SUGCT: variants seen among roughly 807,000 people sequenced by gnomAD.
SUGCT encodes succinyl-CoA:glutarate-CoA transferase, also known as succinyl-CoA:glutarate CoA-transferase.
A neutral mutation model predicts 55.0 loss-of-function variants in SUGCT; 41 were observed. That is an observed-to-expected ratio of 0.74 (90% CI 0.58 to 0.97). The LOEUF (loss-of-function observed/expected upper bound fraction) is 0.97, where lower values mean the gene tolerates loss of function less well. Ranked by LOEUF, SUGCT falls within the 50% of genes least tolerant of loss-of-function variation. The pLI is 0.00. For missense variants in SUGCT, 568 were observed against 547.8 expected (o/e 1.04, Z -0.37); for synonymous variants, 187 against 200.4 (o/e 0.93, Z 0.56).
chr7:40,882,837 T>C, the SUGCT span, among the ~76,000 whole-genome samples: 3 of 152,168 alleles, frequency 2.0e-5, no homozygotes, highest in Non-Finnish European at 4.4e-5. Context: ...ATATTTTTTT[T>C]ATTCTAGGAG....
At chr7:40,703,989 T>A (rs1169323053) in intron 12 of SUGCT, among the ~76,000 whole-genome samples, 1 of 152,220 alleles carries the variant, frequency 6.6e-6, no homozygotes, top group Non-Finnish European at 1.5e-5. Flanking sequence ...AGGAGACTTG[T>A]ACGGTGGATC....
At chr7:40,251,585 T>C (rs1401466151) in intron 7 of SUGCT, among the ~76,000 whole-genome samples, 1 of 152,114 alleles carries the variant, frequency 6.6e-6, no homozygotes, top group African/African-American at 2.4e-5. Flanking sequence ...CAGCCAAGGG[T>C]GCGTCCCACT....
At chr7:40,464,091 G>T (rs912849260) in intron 11 of SUGCT, among the ~76,000 whole-genome samples, 12 of 152,130 alleles carry the variant, frequency 7.9e-5, no homozygotes, top group African/African-American at 2.9e-4. Context: ...TTAGTGTTTG[G>T]GGAGAAATAA....
chr7:40,696,707 T>G (rs573506423), intron 12 of SUGCT, among the ~76,000 whole-genome samples: 14 of 152,340 alleles, frequency 9.2e-5, no homozygotes, highest in Middle Eastern at 3.4e-3. Flanking sequence ...AACTCTTTCA[T>G]GCTCAGCGAC....
chr7:40,337,645 T>A (rs1796791264), intron 9 of SUGCT, among the ~76,000 whole-genome samples: 1 of 152,226 alleles, frequency 6.6e-6, no homozygotes, highest in Non-Finnish European at 1.5e-5. Context: ...TGTGTGTCTC[T>A]GCATGTGAGA....
intron 12 of SUGCT, among the ~76,000 whole-genome samples, chr7:40,639,229 C>A (rs974455951): frequency 3.9e-5 from 6 of 152,142 alleles, no homozygotes; most frequent in African/African-American, 1.4e-4. Flanking sequence ...CGGGCTAGAT[C>A]GTAAACTGTG....
At chr7:40,594,735 T>C (rs544473177) in intron 12 of SUGCT, among the ~76,000 whole-genome samples, 1 of 152,162 alleles carries the variant, frequency 6.6e-6, no homozygotes, top group Admixed American at 6.5e-5. Flanking sequence ...AATAAAGAAG[T>C]AGGACATCAT....
chr7:40,670,034 T>C lies in SUGCT; in HGVS notation c.1090-79400T>C, dbSNP rs374575925. 4.0e-4 allele frequency among the ~76,000 whole-genome samples: 60 copies of C among 151,298 alleles called. 1 individual carries two copies. The highest frequency in any genetic ancestry group is 6.8e-3 in the Middle Eastern group (2 of 294). On this transcript the variant is annotated intron_variant, in intron 12 of 13. Coordinates refer to ENST00000335693, the MANE Select transcript of SUGCT (RefSeq NM_001193313.2). ...AAACTAAAGACACAGAAAAAAATAT[T>C]GAAAACAACTAAAGAAAAATAACAC... is the stretch of plus-strand genomic sequence containing the variant.
chr7:40,833,514 TC>T (rs1792804572), intron 13 of SUGCT, among the ~76,000 whole-genome samples: 1 of 152,186 alleles, frequency 6.6e-6, no homozygotes, highest in Admixed American at 6.5e-5. Context: ...TGTTTTAAAG[TC>T]CCAGGCTGCA....
In SUGCT at chr7:40,419,508, T is replaced by C. The variant is rs181428024; in HGVS notation, c.817-29779T>C. On this transcript the variant is annotated intron_variant, in intron 9 of 13. Transcript: ENST00000335693. ...TTTCCTCATTTATTTATTTCTTTAT[T>C]ATTTCTGGCTACAAAGCTGTACAAA... is the stretch of plus-strand genomic sequence containing the variant. 3.9e-5 allele frequency among the ~76,000 whole-genome samples: 6 copies of C among 152,338 alleles called. No individual in the cohort carries two copies. The East Asian group carries it at 7.7e-4, about 20-fold the overall frequency.
At position 40,615,007 on chromosome 7, in the gene SUGCT, G is replaced by C. The variant is rs1157200301; in HGVS notation, c.1089+118621G>C. ...GGAGGCGGAGGTTGCAGTAAGCCAA[G>C]ATCACGCCATTGCCCTCCAGCCTGG... On this transcript the variant is annotated intron_variant, in intron 12 of 13. Coordinates refer to ENST00000335693, the MANE Select transcript of SUGCT (RefSeq NM_001193313.2). 2.0e-5 allele frequency among the ~76,000 whole-genome samples: 3 copies of C among 148,808 alleles called. No homozygotes were observed. In the Admixed American group the frequency reaches 2.0e-4, roughly 10 times the overall value.
intron 6 of SUGCT, among the ~76,000 whole-genome samples, chr7:40,229,651 A>G (rs1562594708): frequency 6.6e-6 from 1 of 151,712 alleles, no homozygotes; most frequent in South Asian, 2.1e-4. Flanking sequence ...CATCTCTACT[A>G]AAAATACAAA....
intron 1 of SUGCT, among the ~76,000 whole-genome samples, chr7:40,180,613 C>G (rs1422589365): frequency 6.6e-6 from 1 of 151,910 alleles, no homozygotes; most frequent in African/African-American, 2.4e-5. Context: ...CCTCAGCCTC[C>G]CGATAATTGA....
At chr7:40,276,637 C>A (rs1455580644) in intron 8 of SUGCT, among the ~76,000 whole-genome samples, 1 of 152,158 alleles carries the variant, frequency 6.6e-6, no homozygotes, top group Non-Finnish European at 1.5e-5. Context: ...TCACTTCTAG[C>A]ATCTAACTAG....
the SUGCT span, among the ~76,000 whole-genome samples, chr7:40,890,110 G>T: frequency 6.6e-6 from 1 of 150,980 alleles, no homozygotes; most frequent in East Asian, 1.9e-4. Flanking sequence ...GCCATATGGG[G>T]CATAATGAGG....
chr7:40,237,426 G>A (rs1292244330), intron 6 of SUGCT, among the ~76,000 whole-genome samples: 3 of 151,896 alleles, frequency 2.0e-5, no homozygotes, highest in African/African-American at 7.3e-5. Context: ...CCTGCTCGAC[G>A]GGAACGAGAC....
intron 8 of SUGCT, among the ~76,000 whole-genome samples, chr7:40,288,027 T>G (rs938897642): frequency 6.6e-6 from 1 of 152,142 alleles, no homozygotes; most frequent in Non-Finnish European, 1.5e-5. Context: ...TTGGAAAAAT[T>G]TCAGTTGGTC....
chr7:40,611,127 G>GT (rs201642440), intron 12 of SUGCT, among the ~76,000 whole-genome samples: 1 of 152,168 alleles, frequency 6.6e-6, no homozygotes, highest in Non-Finnish European at 1.5e-5. Context: ...CACTCATACA[G>GT]TTTTTTAGTC....
intron 7 of SUGCT, among the ~76,000 whole-genome samples, chr7:40,258,434 A>G (rs534971801): frequency 1.3e-5 from 2 of 152,236 alleles, no homozygotes; most frequent in South Asian, 2.1e-4. Flanking sequence ...GCTGGAGTGC[A>G]ATGGCGCGAT....
Sources: allele counts gnomAD v4.1 joint callset (sites outside exome capture counted in the v4.1 genomes callset), GRCh38; gene constraint gnomAD v4.1.1; transcripts MANE v1.5; gene names NCBI Gene and HGNC (gene_info 2026-07-23, HGNC 2026-07-21).